Variants in SORBS2 observed in about 807,000 individuals in gnomAD.
SORBS2 encodes sorbin and SH3 domain-containing protein 2.
SORBS2 carries 46 observed loss-of-function variants against 97.7 expected under a neutral mutation model. The ratio of observed to expected loss-of-function variants is 0.47; its 90% confidence interval spans 0.37 to 0.60. The LOEUF (loss-of-function observed/expected upper bound fraction) is 0.60. Among genes scored for constraint, SORBS2 ranks in the 20% least tolerant of loss-of-function variants. The pLI, the probability that SORBS2 is intolerant of heterozygous loss-of-function variation, is 0.00. For synonymous variants in SORBS2, 476 were observed against 473.4 expected, an observed-to-expected ratio of 1.01 and a Z score of -0.07; for missense variants, 1,316 against 1,282.3, an observed-to-expected ratio of 1.03 and a Z score of -0.40.
intron 4 of SORBS2, 111 bp downstream of exon 14, chr4:185,638,766 A>G (rs2153445448): frequency 9.9e-7 from 1 of 1,012,540 alleles, no homozygotes; most frequent in Non-Finnish European, 1.4e-6. Flanking sequence ...TGGGGCCTGG[A>G]TGGGTGCGAG....
In SORBS2 at chr4:185,607,010, C is replaced by A; in HGVS notation, c.2796+4770G>T. 1 of 1,007,942 alleles carries A rather than the reference C, an allele frequency of 9.9e-7. No individual in the cohort carries two copies. The highest frequency in any genetic ancestry group is 1.2e-6 in the Non-Finnish European group (1 of 843,354). The allele number at this position is 1,007,942 out of a possible 1,614,324, so 62.4% of individuals were successfully genotyped here. A position where few individuals can be genotyped will look rare whatever the true frequency, so the allele number is the denominator to read the frequency against. ...AGAGGCTCTGCATGGTAAGGCTGGG[C>A]TGCAGCCGAGGCCACACCCGCGTGA... On this transcript the variant is annotated intron_variant, in intron 12 of 14. Coordinates refer to ENST00000418609, the Ensembl canonical transcript of SORBS2. This position sits in a 1 kb window ranked among gnomAD's most constrained non-coding sequence, Gnocchi z 5.2.
chr4:185,904,218 T>C (rs1015406911), intron 1 of SORBS2, among the ~76,000 whole-genome samples: 4 of 152,224 alleles, frequency 2.6e-5, no homozygotes, highest in Non-Finnish European at 5.9e-5. Context: ...GCCTAATGTC[T>C]ACCACCCTTA....
intron 1 of SORBS2, among the ~76,000 whole-genome samples, chr4:185,792,192 T>C (rs895249878): frequency 6.6e-6 from 1 of 152,166 alleles, no homozygotes; most frequent in African/African-American, 2.4e-5. Flanking sequence ...TTTCATAACG[T>C]TAAGTAGATT....
intron 1 of SORBS2, among the ~76,000 whole-genome samples, chr4:185,799,050 T>C (rs894021106): frequency 6.6e-6 from 1 of 152,196 alleles, no homozygotes; most frequent in Non-Finnish European, 1.5e-5. Context: ...CTGACATCAA[T>C]TTGAGAACTA....
chr4:185,623,924 G>T lies in SORBS2; in HGVS notation c.1205C>A (p.Thr402Lys). 1.2e-6 allele frequency: 2 copies of T among 1,614,190 alleles called. No individual in the cohort carries two copies. Among genetic ancestry groups the T allele is most frequent in the Non-Finnish European group, 1.7e-6 (2 of 1,180,042 alleles). Reference sequence around the variant, plus strand: ...CACCATGTCCCGGGGCACCTCCTCCGTGGAGCACTGGCTCCAGGCGCGCAG... The same window carrying T: ...CACCATGTCCCGGGGCACCTCCTCCTTGGAGCACTGGCTCCAGGCGCGCAG... The change falls in exon 7 of 15, where the codon ACG becomes AAG. Residue 402 changes from threonine (T) to lysine (K), a missense_variant. Transcript: ENST00000418609. This position sits in a 1 kb window ranked among gnomAD's most constrained non-coding sequence, Gnocchi z 6.4.
chr4:185,784,670 C>A (rs1183541125), intron 1 of SORBS2, among the ~76,000 whole-genome samples: 1 of 152,180 alleles, frequency 6.6e-6, no homozygotes, highest in Non-Finnish European at 1.5e-5. Flanking sequence ...AAACAATCAT[C>A]TAAAAACAAC....
intron 5 of SORBS2, among the ~76,000 whole-genome samples, chr4:185,628,818 A>G (rs1174886594): frequency 6.6e-6 from 1 of 152,202 alleles, no homozygotes; most frequent in African/African-American, 2.4e-5. Flanking sequence ...CCTTCCCCTC[A>G]GTTGCATAAA....
At chr4:185,876,701 C>T (rs1404266660) in intron 1 of SORBS2, among the ~76,000 whole-genome samples, 2 of 152,140 alleles carry the variant, frequency 1.3e-5, no homozygotes, top group Non-Finnish European at 2.9e-5. Context: ...GTCTTATGTA[C>T]CATAATTCAA....
chr4:185,761,558 T>TTGA, intron 2 of SORBS2: 1 of 152,368 alleles, frequency 6.6e-6, no homozygotes, highest in East Asian at 1.9e-4. Flanking sequence ...GTACAGAGTC[T>TTGA]TGAGTAGGCT....
chr4:185,663,264 T>A (rs2097546780), intron 4 of SORBS2, among the ~76,000 whole-genome samples: 1 of 152,230 alleles, frequency 6.6e-6, no homozygotes, highest in Non-Finnish European at 1.5e-5. Flanking sequence ...CTTTTCTACT[T>A]ATTTTAAAAC....
chr4:185,652,739 G>C lies in SORBS2; in HGVS notation c.25-11C>G. On this transcript the variant is annotated splice_polypyrimidine_tract_variant and intron_variant, in intron 1 of 14. Coordinates refer to ENST00000418609, the Ensembl canonical transcript of SORBS2. ...GGGCCGGTCGACTGTCTGTAATGAA[G>C]AGAGCGTCCAATGGTTACAAACTGG... The C allele has an allele frequency of 1.2e-6, 2 of 1,611,258 alleles. No individual in the cohort carries two copies. Among genetic ancestry groups the C allele is most frequent in the Non-Finnish European group, 8.5e-7 (1 of 1,177,404 alleles).
chr4:185,818,096 T>C (rs1166909775), intron 1 of SORBS2, among the ~76,000 whole-genome samples: 3 of 152,218 alleles, frequency 2.0e-5, no homozygotes, highest in African/African-American at 7.2e-5. Context: ...AAATAAACTA[T>C]GCGTGCTTGC....
At chr4:185,605,736 C>A (rs777307790) in intron 12 of SORBS2, among the ~76,000 whole-genome samples, 1 of 152,282 alleles carries the variant, frequency 6.6e-6, no homozygotes, top group South Asian at 2.1e-4. Flanking sequence ...AGGCACCCAC[C>A]ACCACGCCTG....
chr4:185,946,357 A>T (rs2099274558), intron 1 of SORBS2, among the ~76,000 whole-genome samples: 1 of 152,190 alleles, frequency 6.6e-6, no homozygotes, highest in Non-Finnish European at 1.5e-5. Flanking sequence ...TGTGAGTGTG[A>T]GCGAAGGCAA....
At chr4:185,679,339 GT>G (rs1299802344) in intron 2 of SORBS2, among the ~76,000 whole-genome samples, 4 of 151,830 alleles carry the variant, frequency 2.6e-5, no homozygotes, top group African/African-American at 4.8e-5. Context: ...TCGAGACTGA[GT>G]TTTTTTCCTA....
At chr4:185,939,865 C>G (rs1328156381) in intron 1 of SORBS2, among the ~76,000 whole-genome samples, 4 of 152,156 alleles carry the variant, frequency 2.6e-5, no homozygotes, top group East Asian at 3.9e-4. Flanking sequence ...CCAGAAAGCC[C>G]TTCATCCCCA....
intron 2 of SORBS2, 24 bp downstream of exon 10, chr4:185,652,638 C>T (rs2097333803): frequency 1.2e-6 from 2 of 1,601,860 alleles, no homozygotes; most frequent in African/African-American, 1.3e-5. Context: ...AGGACCTCAT[C>T]AGAAAGCAGA....
chr4:185,921,182 G>A (rs556573655), intron 1 of SORBS2, among the ~76,000 whole-genome samples: 7 of 152,296 alleles, frequency 4.6e-5, no homozygotes, highest in South Asian at 2.1e-4. Flanking sequence ...TCCCATTCTC[G>A]TAGACGTTAG....
chr4:185,693,331 A>T (rs771997971), intron 2 of SORBS2, among the ~76,000 whole-genome samples: 12 of 152,146 alleles, frequency 7.9e-5, no homozygotes, highest in Non-Finnish European at 1.5e-4. Context: ...GACCGCCTGT[A>T]TTGAGGGATA....
Sources: allele counts gnomAD v4.1 joint callset (sites outside exome capture counted in the v4.1 genomes callset), GRCh38; gene constraint gnomAD v4.1.1; non-coding constraint Gnocchi (gnomAD v3.1); transcripts MANE v1.5; gene names NCBI Gene and HGNC (gene_info 2026-07-23, HGNC 2026-07-21).